TENM4: variants seen among roughly 807,000 people sequenced by gnomAD.
The protein encoded by TENM4 is teneurin-4.
In TENM4, 82 loss-of-function variants were observed where a neutral mutation model predicts 243.3. That is an observed-to-expected ratio of 0.34 (90% CI 0.28 to 0.40). The LOEUF is 0.40. Among genes scored for constraint, TENM4 ranks in the 10% least tolerant of loss-of-function variants. TENM4 has a pLI of 1.00. For missense variants in TENM4, 3,138 were observed against 3,673.3 expected, an observed-to-expected ratio of 0.85 and a Z score of 3.77; for synonymous variants, 1,412 against 1,456.3, an observed-to-expected ratio of 0.97 and a Z score of 0.69.
rs552841148 is a variant in TENM4, at chr11:79,382,433, A to G, written c.-321+58076T>C. The stretch of plus-strand genomic sequence containing the variant: ...TCCTACTTATGTACATGCCACTCTC[A>G]GTCCAGAATTTAGTCAAAATGAGCA... On this transcript the variant is annotated intron_variant, in intron 1 of 33. Transcript: ENST00000278550. 5.1e-4 allele frequency among the ~76,000 whole-genome samples: 78 copies of G among 152,314 alleles called. No homozygotes were observed. The Middle Eastern group carries it at 0.01, about 20-fold the overall frequency.
intron 3 of TENM4, among the ~76,000 whole-genome samples, chr11:79,170,397 C>T (rs957508762): frequency 6.6e-6 from 1 of 152,088 alleles, no homozygotes; most frequent in African/African-American, 2.4e-5. Flanking sequence ...AACAGCATTG[C>T]CCAAAATTGA....
rs369490824 is a variant in TENM4 at position 78,913,773 on chromosome 11, C to G, written c.494-10250G>C. 4.9e-4 allele frequency among the ~76,000 whole-genome samples: 74 copies of G among 152,216 alleles called. 1 individual carries two copies. Among genetic ancestry groups the G allele is most frequent in the East Asian group, 1.9e-3 (10 of 5,170 alleles). On this transcript the variant is annotated intron_variant, in intron 6 of 33. Transcript: ENST00000278550. ...GCCATGCTGTGCTGATTTGCTGGAG[C>G]GGGCCCAGAGGAGGGATACTGGATG...
At chr11:79,371,729 T>C (rs1250293355) in intron 1 of TENM4, among the ~76,000 whole-genome samples, 1 of 152,212 alleles carries the variant, frequency 6.6e-6, no homozygotes, top group Non-Finnish European at 1.5e-5. Flanking sequence ...AAATAAGATC[T>C]GTTGTTAATA....
intron 1 of TENM4, among the ~76,000 whole-genome samples, chr11:79,373,246 A>G (rs1327384219): frequency 1.3e-5 from 2 of 151,392 alleles, no homozygotes; most frequent in African/African-American, 2.4e-5. Context: ...GGCTGACTGG[A>G]TAGATGGATG....
chr11:79,071,076 C>T (rs1229755613), intron 4 of TENM4, among the ~76,000 whole-genome samples: 3 of 152,136 alleles, frequency 2.0e-5, no homozygotes, highest in Non-Finnish European at 2.9e-5. Context: ...ACCCTTCTGC[C>T]CTACACTGAC....
At chr11:79,433,387 C>G (rs1453300095) in intron 1 of TENM4, among the ~76,000 whole-genome samples, 1 of 152,132 alleles carries the variant, frequency 6.6e-6, no homozygotes, top group Non-Finnish European at 1.5e-5. Context: ...GGAAACCACT[C>G]TCTTCTCCCA....
At chr11:79,025,431 G>A (rs1396261972) in intron 6 of TENM4, among the ~76,000 whole-genome samples, 1 of 152,166 alleles carries the variant, frequency 6.6e-6, no homozygotes, top group Non-Finnish European at 1.5e-5. Flanking sequence ...GTGAAGTTTT[G>A]TAAACACTTC....
intron 1 of TENM4, among the ~76,000 whole-genome samples, chr11:79,329,233 G>A (rs756930111): frequency 8.5e-5 from 13 of 152,224 alleles, no homozygotes; most frequent in Non-Finnish European, 7.3e-5. Context: ...TACCTCCACA[G>A]TTGGCACAAG....
At chr11:78,967,069 C>T (rs1857452961) in intron 6 of TENM4, among the ~76,000 whole-genome samples, 1 of 152,172 alleles carries the variant, frequency 6.6e-6, no homozygotes, top group African/African-American at 2.4e-5. Context: ...TGTCTCTTAG[C>T]TTCCACTCAT....
intron 1 of TENM4, among the ~76,000 whole-genome samples, chr11:79,329,165 T>C (rs142979498): frequency 6.6e-6 from 1 of 152,314 alleles, no homozygotes; most frequent in East Asian, 1.9e-4. Context: ...CCTCAATATA[T>C]TTTTCCTTTT....
intron 1 of TENM4, among the ~76,000 whole-genome samples, chr11:79,415,206 T>C (rs188711048): frequency 6.6e-6 from 1 of 152,348 alleles, no homozygotes; most frequent in East Asian, 1.9e-4. Context: ...GAATGTCTGC[T>C]GAACAGAACT....
chr11:78,695,869 G>C (rs1233606588), intron 28 of TENM4, among the ~76,000 whole-genome samples: 2 of 150,894 alleles, frequency 1.3e-5, no homozygotes, highest in Non-Finnish European at 2.9e-5. Context: ...GTGTGTGTGT[G>C]TATGTACTTA....
chr11:79,218,374 T>G (rs1164482651), intron 2 of TENM4, among the ~76,000 whole-genome samples: 1 of 152,108 alleles, frequency 6.6e-6, no homozygotes, highest in Admixed American at 6.5e-5. Context: ...TCTGGTGGCT[T>G]TTAGGACACA....
chr11:79,033,473 A>C (rs989504233), intron 6 of TENM4, among the ~76,000 whole-genome samples: 2 of 152,204 alleles, frequency 1.3e-5, no homozygotes, highest in African/African-American at 4.8e-5. Flanking sequence ...TCCTCCCAAC[A>C]ATGCGGTGAA....
At chr11:78,887,528 C>T (rs886171833) in intron 9 of TENM4, among the ~76,000 whole-genome samples, 4 of 152,178 alleles carry the variant, frequency 2.6e-5, no homozygotes, top group Non-Finnish European at 5.9e-5. Context: ...GCAGGTATTC[C>T]ATATGGTTTG....
At chr11:79,373,751 T>A (rs1387500871) in intron 1 of TENM4, among the ~76,000 whole-genome samples, 1 of 152,110 alleles carries the variant, frequency 6.6e-6, no homozygotes, top group Non-Finnish European at 1.5e-5. Context: ...AAAATGAAAA[T>A]TAAAAACCTT....
intron 3 of TENM4, among the ~76,000 whole-genome samples, chr11:79,166,690 G>A (rs535763357): frequency 3.9e-5 from 6 of 152,262 alleles, no homozygotes; most frequent in Middle Eastern, 3.4e-3. Context: ...GCATTCAGTC[G>A]GTCTAGCTCA....
intron 4 of TENM4, among the ~76,000 whole-genome samples, chr11:79,082,277 T>A (rs574420129): frequency 6.6e-6 from 1 of 152,158 alleles, no homozygotes; most frequent in African/African-American, 2.4e-5. Context: ...GTGGCTCTTT[T>A]TCGGTAGCAC....
At chr11:78,919,939 C>A (rs2136382183) in intron 6 of TENM4, among the ~76,000 whole-genome samples, 1 of 152,222 alleles carries the variant, frequency 6.6e-6, no homozygotes. Context: ...TCCTTCATGT[C>A]CCAGGAACCC....
Sources: gnomAD v4.1 joint callset for allele counts (sites outside exome capture counted in the v4.1 genomes callset) on GRCh38, gnomAD v4.1.1 for gene constraint, MANE v1.5 for transcripts, NCBI Gene and HGNC (gene_info 2026-07-23, HGNC 2026-07-21) for gene names.